Variants in C10orf90 observed in about 807,000 individuals in gnomAD.
C10orf90 encodes the protein (E2-independent) E3 ubiquitin-conjugating enzyme FATS.
Under a neutral mutation model 62.5 loss-of-function variants are expected in C10orf90, and 56 were observed. The observed-to-expected ratio is 0.90, with a 90% confidence interval of 0.72 to 1.12. The LOEUF is 1.12. Ranked by LOEUF, C10orf90 falls within the 50% of genes most tolerant of loss-of-function variation. C10orf90 has a pLI of 0.00. For missense variants in C10orf90, 970 were observed against 880.4 expected (o/e 1.10, Z -1.29); for synonymous variants, 386 against 340.4 (o/e 1.13, Z -1.47).
At chr10:126,625,827 C>T (rs1845730736) in intron 2 of C10orf90, among the ~76,000 whole-genome samples, 1 of 152,012 alleles carries the variant, frequency 6.6e-6, no homozygotes, top group Non-Finnish European at 1.5e-5. Flanking sequence ...CAAATGTGGG[C>T]AGGTGGGCTG....
At chr10:126,474,164 C>T (rs1860736508) in intron 4 of C10orf90, among the ~76,000 whole-genome samples, 1 of 152,178 alleles carries the variant, frequency 6.6e-6, no homozygotes, top group Non-Finnish European at 1.5e-5. Context: ...ATCTGAGGAG[C>T]AGGACCTGTT....
chr10:126,614,332 C>G (rs554795509), intron 2 of C10orf90, among the ~76,000 whole-genome samples: 1 of 152,130 alleles, frequency 6.6e-6, no homozygotes, highest in East Asian at 1.9e-4. Context: ...TGTCTAGTCA[C>G]CATTAAGGGA....
intron 2 of C10orf90, among the ~76,000 whole-genome samples, chr10:126,590,460 T>C (rs1282998448): frequency 1.3e-5 from 2 of 152,038 alleles, no homozygotes; most frequent in Non-Finnish European, 2.9e-5. Flanking sequence ...TTTTAGCAAA[T>C]ACAAAAGAAC....
chr10:126,620,196 T>C (rs1408270170), intron 2 of C10orf90, among the ~76,000 whole-genome samples: 1 of 152,202 alleles, frequency 6.6e-6, no homozygotes, highest in Non-Finnish European at 1.5e-5. Context: ...TCCACAATCA[T>C]GAAAATATTT....
chr10:126,639,313 G>A (rs188384376), intron 2 of C10orf90, among the ~76,000 whole-genome samples: 29 of 152,304 alleles, frequency 1.9e-4, no homozygotes, highest in African/African-American at 6.0e-4. Flanking sequence ...CATGATGTGC[G>A]GTTGCTGCTC....
At chr10:126,605,050 C>T (rs1373229228) in intron 2 of C10orf90, among the ~76,000 whole-genome samples, 2 of 152,150 alleles carry the variant, frequency 1.3e-5, no homozygotes, top group Non-Finnish European at 2.9e-5. Flanking sequence ...TCAAAGAACT[C>T]GATTTTCAAA....
At chr10:126,475,552 A>G (rs1432502462) in intron 4 of C10orf90, among the ~76,000 whole-genome samples, 1 of 152,212 alleles carries the variant, frequency 6.6e-6, no homozygotes, top group African/African-American at 2.4e-5. Context: ...TTTCCTGGCA[A>G]TAATTTGAAC....
At chr10:126,510,604 T>C (rs1863047918) in intron 3 of C10orf90, among the ~76,000 whole-genome samples, 1 of 152,212 alleles carries the variant, frequency 6.6e-6, no homozygotes, top group Non-Finnish European at 1.5e-5. Flanking sequence ...CTGGGTTTTG[T>C]GTCTTGCTTT....
At chr10:126,530,574 A>G (rs1402872712) in intron 2 of C10orf90, among the ~76,000 whole-genome samples, 5 of 152,146 alleles carry the variant, frequency 3.3e-5, no homozygotes, top group Non-Finnish European at 7.3e-5. Context: ...TAAAGAATTG[A>G]CCCATTATCA....
At chr10:126,499,690 T>C (rs905708961) in intron 4 of C10orf90, among the ~76,000 whole-genome samples, 2 of 152,146 alleles carry the variant, frequency 1.3e-5, no homozygotes, top group African/African-American at 4.8e-5. Flanking sequence ...ACATCTTTAT[T>C]CACTAGTGAT....
At chr10:126,449,911 C>T (rs961232514) in intron 7 of C10orf90, among the ~76,000 whole-genome samples, 4 of 151,000 alleles carry the variant, frequency 2.6e-5, no homozygotes, top group African/African-American at 7.3e-5. Context: ...GCAGAAGAAT[C>T]GCTTGAACCT....
Position 126,630,476 on chromosome 10 carries a change from C to T in C10orf90, c.313+16089G>A, listed in dbSNP as rs557683056. Among the ~76,000 whole-genome samples, 61 of 152,030 alleles carry T rather than the reference C, an allele frequency of 4.0e-4. 1 individual carries two copies. The highest frequency in any genetic ancestry group is 9.6e-4 in the African/African-American group (40 of 41,476). On this transcript the variant is annotated intron_variant, in intron 2 of 9. Transcript: ENST00000488181. The stretch of plus-strand genomic sequence containing the variant: ...GGCTTGGCGATGGTGGGGTCGGGAA[C>T]GGGGAGAAGAGCGCAGAGTGGGGGC...
Position 126,464,906 on chromosome 10 carries a change from G to T in C10orf90, c.1615C>A (p.Gln539Lys). 6.2e-7 allele frequency: 1 copy of T among 1,613,776 alleles called. No individual in the cohort carries two copies. Among genetic ancestry groups the T allele is most frequent in the Non-Finnish European group, 8.5e-7 (1 of 1,179,632 alleles). ...CMTVSAPPVEQKPTRHFLPIG... is the reference protein window; with the variant it reads ...CMTVSAPPVEKKPTRHFLPIG... ...GGAAGGAAATGTCTAGTGGGCTTCT[G>T]TTCCACTGGAGGAGCAGACACAGTC... Residue 539 changes from glutamine to lysine, a missense_variant, in exon 5 of 10, where the codon CAG becomes AAG. Gln to Lys is a moderately conservative substitution (Grantham distance 53). Transcript: ENST00000488181.
At chr10:126,571,592 C>A (rs889853957) in intron 2 of C10orf90, among the ~76,000 whole-genome samples, 1 of 152,168 alleles carries the variant, frequency 6.6e-6, no homozygotes, top group African/African-American at 2.4e-5. Flanking sequence ...ATTCAAAGGA[C>A]GCAAATGAGG....
intron 4 of C10orf90, among the ~76,000 whole-genome samples, chr10:126,476,246 T>A (rs1860858836): frequency 1.3e-5 from 2 of 152,184 alleles, no homozygotes. Flanking sequence ...GCTGACATCA[T>A]CTCTCTGGTT....
At chr10:126,495,109 C>T (rs905465981) in intron 4 of C10orf90, among the ~76,000 whole-genome samples, 1 of 152,246 alleles carries the variant, frequency 6.6e-6, no homozygotes, top group African/African-American at 2.4e-5. Context: ...TACCCTGACA[C>T]TCACAGTTAC....
At chr10:126,649,357 G>A (rs974203010) in intron 1 of C10orf90, among the ~76,000 whole-genome samples, 1 of 152,024 alleles carries the variant, frequency 6.6e-6, no homozygotes, top group African/African-American at 2.4e-5. Context: ...ATTGCCATTA[G>A]GGTAAAGTAT....
intron 7 of C10orf90, among the ~76,000 whole-genome samples, chr10:126,440,667 G>A (rs546002457): frequency 1.3e-5 from 2 of 152,164 alleles, no homozygotes; most frequent in Non-Finnish European, 2.9e-5. Context: ...ACTGAAGCAG[G>A]TGCTGGTATC....
chr10:126,525,546 G>A (rs1168504371), intron 2 of C10orf90, among the ~76,000 whole-genome samples: 2 of 152,164 alleles, frequency 1.3e-5, no homozygotes, highest in African/African-American at 4.8e-5. Flanking sequence ...CTGGACAAAT[G>A]AGGTTGGGGC....
Sources: allele counts gnomAD v4.1 joint callset (sites outside exome capture counted in the v4.1 genomes callset), GRCh38; gene constraint gnomAD v4.1.1; transcripts MANE v1.5; gene names NCBI Gene and HGNC (gene_info 2026-07-23, HGNC 2026-07-21).